The following MRPS5 variants were observed in gnomAD, a reference collection of about 807,000 sequenced individuals.
MRPS5 encodes mitochondrial ribosomal protein S5, also known as small ribosomal subunit protein uS5m.
MRPS5 carries 27 observed loss-of-function variants against 51.9 expected under a neutral mutation model. That is an observed-to-expected ratio of 0.52 (90% CI 0.38 to 0.72). The LOEUF (loss-of-function observed/expected upper bound fraction) is 0.72, where lower values mean the gene tolerates loss of function less well. Among genes scored for constraint, MRPS5 ranks in the 30% least tolerant of loss-of-function variants. The pLI is 0.00. For synonymous variants in MRPS5, 196 were observed against 193.2 expected, an observed-to-expected ratio of 1.01 and a Z score of -0.12; for missense variants, 570 against 545.7, an observed-to-expected ratio of 1.04 and a Z score of -0.44.
intron 7 of MRPS5, chr2:95,104,154 T>G (rs1301898908): frequency 6.0e-6 from 1 of 166,200 alleles, no homozygotes; most frequent in African/African-American, 2.4e-5. Context: ...TCCAGTCTTT[T>G]CTTGGCACAT....
At chr2:95,121,947 G>T, upstream of MRPS5, 2 of 864,380 alleles carry the variant, frequency 2.3e-6, no homozygotes, top group Non-Finnish European at 3.3e-6. Context: ...GGACTGTCCG[G>T]ACGGGCCACA....
chr2:95,119,322 T>C (rs544947713), intron 1 of MRPS5, among the ~76,000 whole-genome samples: 1 of 152,164 alleles, frequency 6.6e-6, no homozygotes, highest in Non-Finnish European at 1.5e-5. Flanking sequence ...TCACATCCAC[T>C]GGGCTGGCCA....
At chr2:95,098,881 T>TA (rs1444678601) in intron 10 of MRPS5, among the ~76,000 whole-genome samples, 9 of 150,790 alleles carry the variant, frequency 6.0e-5, no homozygotes, top group African/African-American at 2.2e-4. Context: ...CATAAACATA[T>TA]GGGGACCTTG....
At chr2:95,115,908 CTTTT>C (rs896022157) in intron 2 of MRPS5, among the ~76,000 whole-genome samples, 1 of 141,872 alleles carries the variant, frequency 7.0e-6, no homozygotes, top group Non-Finnish European at 1.6e-5. Flanking sequence ...CCTTAATTTT[CTTTT>C]TTTTTTTTTT....
chr2:95,091,011 T>G (rs1352452542), intron 10 of MRPS5: 1 of 154,288 alleles, frequency 6.5e-6, no homozygotes, highest in Non-Finnish European at 1.4e-5. Context: ...CCTCTAAATC[T>G]TGGGGGGTCT....
intron 10 of MRPS5, among the ~76,000 whole-genome samples, chr2:95,098,841 A>G (rs1272381756): frequency 6.6e-6 from 1 of 152,078 alleles, no homozygotes; most frequent in Non-Finnish European, 1.5e-5. Context: ...GTATAATTTA[A>G]AAAGAAAGAA....
Position 95,115,195 on chromosome 2 carries a change from A to T in MRPS5, c.148T>A (p.Ser50Thr). The T allele has an allele frequency of 6.3e-7, 1 of 1,599,866 alleles. No individual in the cohort carries two copies. Among genetic ancestry groups the T allele is most frequent in the Non-Finnish European group, 8.5e-7 (1 of 1,175,950 alleles). ...WKSVLGNGHL[S>T]SLGTRDTHPY... is the part of the protein sequence containing the mutation. ...TGGGTGTCTCTGGTTCCCAGTGATG[A>T]CAAATGGCCTGTAGGCAGATGGGTT... Residue 50 changes from serine to threonine, a missense_variant, in exon 3 of 12, where the codon TCA (serine) becomes ACA (threonine). Transcript: ENST00000272418.
rs374549779 is a variant in MRPS5, at chr2:95,104,683, C to T, written c.720G>A (p.Ser240=). 45 of 1,614,028 alleles carry T rather than the reference C, an allele frequency of 2.8e-5. 1 individual carries two copies. The highest frequency in any genetic ancestry group is 2.4e-4 in the South Asian group (22 of 91,068). Residue 240 remains serine, a synonymous_variant, in exon 7 of 12, where the codon TCG becomes TCA. Transcript: ENST00000272418. ...TCCCCACAGCCACCAAGACACGGAT[C>T]GATTTCTTTCTTCCCTCTTTCGCAG... ...TMTAKEGRKK[S]IRVLVAVGNG... is the part of the protein sequence containing the mutation.
upstream of MRPS5, chr2:95,121,949 C>T (rs1676471184): frequency 3.6e-6 from 3 of 837,114 alleles, no homozygotes; most frequent in Admixed American, 7.9e-5. Context: ...ACTGTCCGGA[C>T]GGGCCACACT....
At chr2:95,115,334 G>C in intron 2 of MRPS5, 131 bp from the exon 3 acceptor site, 1 of 899,720 alleles carries the variant, frequency 1.1e-6, no homozygotes, top group Non-Finnish European at 1.6e-6. Context: ...AGATTTTTAG[G>C]AGTCTTTCTT....
At chr2:95,101,207 AACC>A (rs977623064) in intron 8 of MRPS5, among the ~76,000 whole-genome samples, 1 of 152,022 alleles carries the variant, frequency 6.6e-6, no homozygotes, top group African/African-American at 2.4e-5. Flanking sequence ...AACATGGAGA[AACC>A]ACATCTCTAC....
chr2:95,106,705 T>C (rs1237231238), intron 5 of MRPS5: 3 of 543,838 alleles, frequency 5.5e-6, no homozygotes, highest in East Asian at 6.3e-5. Context: ...CATCAGCTCC[T>C]GGCCCCTCCA....
chr2:95,121,614 GC>G, intron 1 of MRPS5, 119 bp downstream of exon 1: 1 of 1,118,990 alleles, frequency 8.9e-7, no homozygotes, highest in Non-Finnish European at 1.2e-6. Flanking sequence ...TGGGGGCACG[GC>G]GTGAAGAGCC....
chr2:95,117,509 G>C (rs1175233592), intron 2 of MRPS5, among the ~76,000 whole-genome samples: 1 of 148,824 alleles, frequency 6.7e-6, no homozygotes, highest in African/African-American at 2.5e-5. Context: ...CAGGGACAAT[G>C]AAGAGTTAAA....
chr2:95,120,411 G>A (rs1350050164), intron 1 of MRPS5, among the ~76,000 whole-genome samples: 4 of 152,136 alleles, frequency 2.6e-5, no homozygotes, highest in East Asian at 3.9e-4. Flanking sequence ...AGAGAGAGAA[G>A]GAAAGTACAT....
At chr2:95,112,864 G>C (rs1676164517) in intron 3 of MRPS5, among the ~76,000 whole-genome samples, 1 of 152,008 alleles carries the variant, frequency 6.6e-6, no homozygotes, top group African/African-American at 2.4e-5. Context: ...AATTAGCCGG[G>C]CGTGGTGGCG....
intron 3 of MRPS5, 125 bp from the exon 4 acceptor site, chr2:95,110,166 T>C: frequency 8.3e-7 from 1 of 1,207,676 alleles, no homozygotes; most frequent in Non-Finnish European, 1.2e-6. Flanking sequence ...ACTGAGGTAA[T>C]GAAAGCAAAA....
At chr2:95,088,421 G>C (rs1482807180) in intron 11 of MRPS5, among the ~76,000 whole-genome samples, 1 of 152,198 alleles carries the variant, frequency 6.6e-6, no homozygotes, top group Non-Finnish European at 1.5e-5. Context: ...CAGAGATCTG[G>C]AAGCAGGCAG....
At position 95,086,729 on chromosome 2, in the gene MRPS5, T is replaced by A. The variant is rs1183435604; in HGVS notation, c.*628A>T. Among the ~76,000 whole-genome samples the A allele has an allele frequency of 6.6e-6, 1 of 152,100 alleles. No individual in the cohort carries two copies. Among genetic ancestry groups the A allele is most frequent in the Non-Finnish European group, 1.5e-5 (1 of 68,024 alleles). On this transcript the variant is annotated 3_prime_UTR_variant, in exon 12 of 12. Transcript: ENST00000272418. The stretch of plus-strand genomic sequence containing the variant: ...GAAACTATAAGGAACTCAATAATAA[T>A]AAAAAATAACTTTTTAAATGGGCAA...
Sources: gnomAD v4.1 joint callset for allele counts (sites outside exome capture counted in the v4.1 genomes callset) on GRCh38, gnomAD v4.1.1 for gene constraint, MANE v1.5 for transcripts, NCBI Gene and HGNC (gene_info 2026-07-23, HGNC 2026-07-21) for gene names.